Variants in NFIB observed in about 807,000 individuals in gnomAD.
NFIB encodes nuclear factor 1 B-type.
NFIB carries 11 observed loss-of-function variants against 61.5 expected under a neutral mutation model. That is an observed-to-expected ratio of 0.18 (90% CI 0.11 to 0.30). The LOEUF (loss-of-function observed/expected upper bound fraction) is 0.30, where lower values mean the gene tolerates loss of function less well. Among genes scored for constraint, NFIB ranks in the 10% least tolerant of loss-of-function variants. The pLI, the probability that NFIB is intolerant of heterozygous loss-of-function variation, is 1.00. For missense variants in NFIB, 471 were observed against 608.9 expected, an observed-to-expected ratio of 0.77 and a Z score of 2.38; for synonymous variants, 260 against 216.5, an observed-to-expected ratio of 1.20 and a Z score of -1.76.
chr9:14,239,943 G>A (rs2054180031), intron 2 of NFIB, among the ~76,000 whole-genome samples: 1 of 151,900 alleles, frequency 6.6e-6, no homozygotes, highest in African/African-American at 2.4e-5. Context: ...TGAGGATGAA[G>A]AGAAATAAAA....
chr9:14,231,672 T>A (rs945524636), intron 2 of NFIB, among the ~76,000 whole-genome samples: 4 of 152,186 alleles, frequency 2.6e-5, no homozygotes, highest in Admixed American at 6.5e-5. Flanking sequence ...TAAAACAGGT[T>A]TTAACTTAAG....
the NFIB span, among the ~76,000 whole-genome samples, chr9:14,513,635 AAAAAGAAAAAG>A: frequency 4.9e-5 from 7 of 143,688 alleles, no homozygotes; most frequent in Admixed American, 7.0e-5. Flanking sequence ...CTCAAAAAAA[AAAAAGAAAAAG>A]AAAAGAAAAA....
At chr9:14,345,972 C>T (rs2061012548) in intron 1 of NFIB, among the ~76,000 whole-genome samples, 1 of 152,212 alleles carries the variant, frequency 6.6e-6, no homozygotes, top group Non-Finnish European at 1.5e-5. Context: ...CTTTCTCTGA[C>T]ACCGCCATGG....
chr9:14,155,356 T>A (rs2043280860), intron 4 of NFIB, among the ~76,000 whole-genome samples: 1 of 152,186 alleles, frequency 6.6e-6, no homozygotes, highest in Non-Finnish European at 1.5e-5. Flanking sequence ...TATATCCAAC[T>A]ACAATCTGCA....
intron 3 of NFIB, among the ~76,000 whole-genome samples, chr9:14,165,526 T>C (rs1388099534): frequency 6.6e-6 from 1 of 152,214 alleles, no homozygotes; most frequent in Non-Finnish European, 1.5e-5. Flanking sequence ...AAAAGTCATA[T>C]GACCATATCA....
the NFIB span, among the ~76,000 whole-genome samples, chr9:14,530,844 A>G: frequency 6.6e-6 from 1 of 152,144 alleles, no homozygotes; most frequent in African/African-American, 2.4e-5. Flanking sequence ...AGTAAGCACA[A>G]TAATTATCGA....
At chr9:14,109,817 T>C (rs1478862570) in intron 10 of NFIB, among the ~76,000 whole-genome samples, 1 of 152,092 alleles carries the variant, frequency 6.6e-6, no homozygotes, top group East Asian at 1.9e-4. Context: ...TCCAGGACTA[T>C]GTGAATTTAT....
chr9:14,339,455 C>G (rs1348476739), intron 1 of NFIB, among the ~76,000 whole-genome samples: 1 of 152,162 alleles, frequency 6.6e-6, no homozygotes, highest in African/African-American at 2.4e-5. Context: ...TTGTTTCCCC[C>G]TTAAACATTT....
At chr9:14,179,667 C>T (rs1431799671) in intron 3 of NFIB, 60 bp downstream of exon 3, 13 of 1,580,390 alleles carry the variant, frequency 8.2e-6, no homozygotes, top group Non-Finnish European at 1.0e-5. Context: ...TTTATCTATA[C>T]AGTGGTACCT....
rs2033084142 is a variant in NFIB at position 14,087,738 on chromosome 9, A to C, written c.*571T>G. The stretch of plus-strand genomic sequence containing the variant: ...ACTTTTAGAAATCAGAGTGCTTATA[A>C]AATGGCTGGCTCATGGCTCTGTCAC... On this transcript the variant is annotated 3_prime_UTR_variant, in exon 11 of 11. Coordinates refer to ENST00000380953, the MANE Select transcript of NFIB (RefSeq NM_001190737.2). 1 of 219,398 alleles carries C rather than the reference A, an allele frequency of 4.6e-6. No individual in the cohort carries two copies. The highest frequency in any genetic ancestry group is 2.2e-5 in the African/African-American group (1 of 44,482). The allele number at this position is 219,398 out of a possible 1,614,324, so 13.6% of individuals were successfully genotyped here.
At chr9:14,245,990 G>A (rs543767938) in intron 2 of NFIB, among the ~76,000 whole-genome samples, 1 of 152,024 alleles carries the variant, frequency 6.6e-6, no homozygotes, top group Admixed American at 6.5e-5. Flanking sequence ...TCACTCTAGA[G>A]GAGTGTTTTG....
chr9:14,454,848 A>C, the NFIB span, among the ~76,000 whole-genome samples: 1 of 152,218 alleles, frequency 6.6e-6, no homozygotes, highest in African/African-American at 2.4e-5. Flanking sequence ...CAGAAGCTTT[A>C]AAGGTTTTCA....
intron 2 of NFIB, among the ~76,000 whole-genome samples, chr9:14,296,194 A>C (rs1052102269): frequency 3.3e-5 from 5 of 152,200 alleles, no homozygotes; most frequent in African/African-American, 1.2e-4. Context: ...GGCAGTCTAC[A>C]TTATGCTATT....
Position 14,170,861 on chromosome 9 carries a change from T to A in NFIB, c.616+8866A>T, listed in dbSNP as rs143080817. ...AAAATTTAGCAAATTACAAGCTATT[T>A]CTGTGCAAGCCCTCTTGGAAGTTTT... is the stretch of plus-strand genomic sequence containing the variant. On this transcript the variant is annotated intron_variant, in intron 3 of 10. Transcript: ENST00000380953. 2.9e-4 allele frequency among the ~76,000 whole-genome samples: 44 copies of A among 152,332 alleles called. 1 individual carries two copies. In the East Asian group the frequency reaches 8.5e-3, roughly 29 times the overall value.
chr9:14,472,659 G>C, the NFIB span, among the ~76,000 whole-genome samples: 55 of 152,036 alleles, frequency 3.6e-4, no homozygotes, highest in Non-Finnish European at 6.2e-4. Flanking sequence ...GGCTAACACG[G>C]TGAAACCCCA....
intron 2 of NFIB, among the ~76,000 whole-genome samples, chr9:14,195,555 C>T (rs1395777841): frequency 6.6e-6 from 1 of 152,154 alleles, no homozygotes; most frequent in Non-Finnish European, 1.5e-5. Flanking sequence ...CCACTTCATT[C>T]TTGTTTATTT....
intron 2 of NFIB, among the ~76,000 whole-genome samples, chr9:14,270,387 C>A (rs1252508319): frequency 6.6e-6 from 1 of 151,934 alleles, no homozygotes; most frequent in African/African-American, 2.4e-5. Flanking sequence ...CCCAGAAAGG[C>A]AATCTGTGCA....
chr9:14,223,323 T>G (rs983184839), intron 2 of NFIB, among the ~76,000 whole-genome samples: 2 of 152,206 alleles, frequency 1.3e-5, no homozygotes, highest in Non-Finnish European at 2.9e-5. Flanking sequence ...GTCCTCGCCT[T>G]ACTGATAAGT....
intron 1 of NFIB, among the ~76,000 whole-genome samples, chr9:14,344,339 T>C (rs2060993044): frequency 6.6e-6 from 1 of 150,620 alleles, no homozygotes; most frequent in Non-Finnish European, 1.5e-5. Flanking sequence ...GCGGGAGACT[T>C]GGCAGGTCGA....
Sources: gnomAD v4.1 joint callset for allele counts (sites outside exome capture counted in the v4.1 genomes callset) on GRCh38, gnomAD v4.1.1 for gene constraint, MANE v1.5 for transcripts, NCBI Gene and HGNC (gene_info 2026-07-23, HGNC 2026-07-21) for gene names.